INSR: variants seen among roughly 807,000 people sequenced by gnomAD.
INSR encodes the protein insulin receptor.
Under a neutral mutation model 142.6 loss-of-function variants are expected in INSR, and 67 were observed. The observed-to-expected ratio is 0.47, with a 90% CI of 0.39 to 0.58. INSR has a LOEUF of 0.58. Among genes scored for constraint, INSR ranks in the 20% least tolerant of loss-of-function variants. INSR has a pLI of 0.00. For synonymous variants in INSR, 756 were observed against 743.1 expected, an observed-to-expected ratio of 1.02 and a Z score of -0.28; for missense variants, 1,248 against 1,833.2, an observed-to-expected ratio of 0.68 and a Z score of 5.83.
rs1198513994 is a variant in INSR at position 7,119,301 on chromosome 19, A to G, written c.3794+148T>C. On this transcript the variant is annotated intron_variant, in intron 21 of 21. Transcript: ENST00000302850. The surrounding 1 kb of genome is among the most constrained non-coding windows in gnomAD (Gnocchi z 5.2). ...AAATGCAAGCATGCATGTAAAGACAAGCTATGCAAACACAAACACACCTGT... is the reference window on the plus strand; with the variant it reads ...AAATGCAAGCATGCATGTAAAGACAGGCTATGCAAACACAAACACACCTGT... The G allele has an allele frequency of 5.5e-6, 5 of 907,792 alleles. No individual in the cohort carries two copies. In the East Asian group the frequency reaches 9.7e-5, roughly 18 times the overall value. 56.2% of individuals were successfully genotyped at this position (907,792 alleles called of 1,614,324 possible).
intron 8 of INSR, among the ~76,000 whole-genome samples, chr19:7,164,909 A>T (rs1286341360): frequency 6.6e-6 from 1 of 150,934 alleles, no homozygotes; most frequent in Non-Finnish European, 1.5e-5. Context: ...AGGTGGGCAG[A>T]TTGCAGGTCA....
chr19:7,240,013 C>A (rs1384898861), intron 2 of INSR, among the ~76,000 whole-genome samples: 1 of 152,168 alleles, frequency 6.6e-6, no homozygotes, highest in Middle Eastern at 3.2e-3. Flanking sequence ...CAGCTCACTG[C>A]AAGCTCTCGC....
chr19:7,132,083 T>C, intron 14 of INSR, 75 bp downstream of exon 14: 2 of 1,588,966 alleles, frequency 1.3e-6, no homozygotes, highest in Non-Finnish European at 1.7e-6. Context: ...CCTCTCCAAG[T>C]CATCCCCTGC....
At chr19:7,270,272 A>G (rs1276621596) in intron 1 of INSR, among the ~76,000 whole-genome samples, 5 of 151,638 alleles carry the variant, frequency 3.3e-5, no homozygotes, top group African/African-American at 1.2e-4. Flanking sequence ...AGATTTGGCC[A>G]TAGCCCTGGG....
intron 2 of INSR, among the ~76,000 whole-genome samples, chr19:7,259,108 C>CTTCCTTCTTTCT (rs1489080195): frequency 7.3e-6 from 1 of 137,502 alleles, no homozygotes; most frequent in Non-Finnish European, 1.6e-5. Context: ...TCCTTCCTTC[C>CTTCCTTCTTTCT]TTCCTTTCTT....
chr19:7,132,230 G>C lies in INSR; in HGVS notation c.2770C>G (p.Arg924Gly), dbSNP rs387906538. The C allele has an allele frequency of 6.2e-7, 1 of 1,614,098 alleles. No individual in the cohort carries two copies. Among genetic ancestry groups the C allele is most frequent in the Non-Finnish European group, 8.5e-7 (1 of 1,180,050 alleles). Residue 924 changes from arginine (R) to glycine (G), a missense_variant, in exon 14 of 22, where the codon CGA becomes GGA. By Grantham distance (125) the Arg-to-Gly change is moderately radical. This residue lies in a region of INSR where 1,069 missense variants were observed against 1,654.0 expected (regional missense o/e 0.65). Transcript: ENST00000302850. ...RGLSPGNYSV[R>G]IRATSLAGNG... ...CCCGCAAGGGAGGTGGCCCGGATTC[G>C]CACGCTGTAGTTCCCCGGTGACAGC...
chr19:7,136,356 T>C (rs1972926420), intron 13 of INSR, among the ~76,000 whole-genome samples: 1 of 152,150 alleles, frequency 6.6e-6, no homozygotes, highest in South Asian at 2.1e-4. Flanking sequence ...CCTTGATTTT[T>C]TTTCTGCTTC....
At chr19:7,195,441 G>C (rs761219400) in intron 2 of INSR, among the ~76,000 whole-genome samples, 1 of 151,996 alleles carries the variant, frequency 6.6e-6, no homozygotes, top group Admixed American at 6.6e-5. Flanking sequence ...TCAGGAGTTC[G>C]AGACCAGCCT....
rs562562020 is a variant in INSR at position 7,174,435 on chromosome 19, T to C, written c.1123+148A>G. The C allele has an allele frequency of 1.4e-5, 12 of 848,002 alleles. No homozygotes were observed. The East Asian group carries it at 3.0e-4, about 21-fold the overall frequency. The allele number at this position is 848,002 out of a possible 1,614,324, so 52.5% of individuals were successfully genotyped here. A position where few individuals can be genotyped will look rare whatever the true frequency, so the allele number is the denominator to read the frequency against. On this transcript the variant is annotated intron_variant, in intron 4 of 21. Coordinates refer to ENST00000302850, the MANE Select transcript of INSR (RefSeq NM_000208.4). ...GTTTTGAGGCAGACTCCCAGCATGG[T>C]TCTATCCATGGGGGAGCCACTGAAC... is the stretch of plus-strand genomic sequence containing the variant.
intron 2 of INSR, among the ~76,000 whole-genome samples, chr19:7,231,295 G>GTTTTTTTTTTTTTTTTTTTTTTTTTT (rs59830751): frequency 7.4e-6 from 1 of 135,002 alleles, no homozygotes. Context: ...GGTGTTTTTT[G>GTTTTTTTTTTTTTTTTTTTTTTTTTT]TTTTTTTTTT....
chr19:7,164,114 AAAG>A (rs1436045631), intron 8 of INSR, among the ~76,000 whole-genome samples: 3 of 149,872 alleles, frequency 2.0e-5, no homozygotes, highest in African/African-American at 4.9e-5. Context: ...AAAAAAAAAA[AAAG>A]CTTGAATTTG....
At chr19:7,266,899 GAACTA>G (rs752493135) in intron 2 of INSR, among the ~76,000 whole-genome samples, 5 of 152,086 alleles carry the variant, frequency 3.3e-5, no homozygotes, top group Middle Eastern at 3.4e-3. Flanking sequence ...AATCAGATAA[GAACTA>G]AACTATTTTT....
At chr19:7,249,946 C>G (rs140921161) in intron 2 of INSR, among the ~76,000 whole-genome samples, 2,978 of 151,760 alleles carry the variant, frequency 0.02, 89 homozygotes, top group African/African-American at 0.066. Context: ...CAGCTGAGAT[C>G]GCACCACTGC....
In INSR at chr19:7,142,978, C is replaced by G. The variant is rs376600434; in HGVS notation, c.2380G>C (p.Glu794Gln). 4 of 1,614,184 alleles carry G rather than the reference C, an allele frequency of 2.5e-6. No homozygotes were observed. In the South Asian group the frequency reaches 4.4e-5, roughly 18 times the overall value. ...SSTSVPTSPE[E>Q]HRPFEKVVNK... ...ACCACCTTCTCAAAAGGCCTGTGCTCCTCCGGACTCGTGGGCACGCTGGTC... is the reference window on the plus strand; with the variant it reads ...ACCACCTTCTCAAAAGGCCTGTGCTGCTCCGGACTCGTGGGCACGCTGGTC... The change falls in exon 12 of 22, where the codon GAG becomes CAG. Residue 794 changes from glutamate to glutamine, a missense_variant. Glu to Gln is a conservative substitution (Grantham distance 29). Around this residue, in one of 3 missense-constraint regions of INSR, gnomAD observed 1,069 missense variants for 1,654.0 expected, o/e 0.65. Coordinates refer to ENST00000302850, the MANE Select transcript of INSR (RefSeq NM_000208.4).
chr19:7,157,424 A>AT (rs56136465), intron 9 of INSR, among the ~76,000 whole-genome samples: 66,792 of 114,882 alleles, frequency 0.58, 22,697 homozygotes, highest in South Asian at 0.69. Flanking sequence ...CGATTTTTGT[A>AT]TTTTTTTTTT....
At chr19:7,265,218 C>T (rs1383639678) in intron 2 of INSR, among the ~76,000 whole-genome samples, 1 of 152,132 alleles carries the variant, frequency 6.6e-6, no homozygotes, top group Non-Finnish European at 1.5e-5. Flanking sequence ...CTACCATGAT[C>T]AGAACAGTCA....
intron 1 of INSR, among the ~76,000 whole-genome samples, chr19:7,279,538 G>A (rs969525255): frequency 6.6e-6 from 1 of 150,750 alleles, no homozygotes; most frequent in Non-Finnish European, 1.5e-5. Flanking sequence ...GGCTGAGTTG[G>A]CAGCATATTG....
At position 7,150,122 on chromosome 19, in the gene INSR, G is replaced by A. The variant is rs1408833538; in HGVS notation, c.2267+375C>T. Among the ~76,000 whole-genome samples, 3 of 152,036 alleles carry A rather than the reference G, an allele frequency of 2.0e-5. No homozygotes were observed. Among genetic ancestry groups the A allele is most frequent in the African/African-American group, 4.8e-5 (2 of 41,400 alleles). On this transcript the variant is annotated intron_variant, in intron 11 of 21. Coordinates refer to ENST00000302850, the MANE Select transcript of INSR (RefSeq NM_000208.4). This position sits in a 1 kb window ranked among gnomAD's most constrained non-coding sequence, Gnocchi z 4.2. ...ATGGTGTAGGAGCTGCTGGGTCGGG[G>A]CACCCAGCCGCGGGGAGCTCAGACT...
In INSR at chr19:7,143,053, T is replaced by A; in HGVS notation, c.2305A>T (p.Asn769Tyr). 6.2e-7 allele frequency: 1 copy of A among 1,614,120 alleles called. No individual in the cohort carries two copies. The highest frequency in any genetic ancestry group is 1.3e-5 in the African/African-American group (1 of 75,004). Reference sequence around the variant, plus strand: ...ACCGTGGGCACGGCCACCGTCACATTCCCAACATCGCCAAGGGACCTGCGT... The same window carrying A: ...ACCGTGGGCACGGCCACCGTCACATACCCAACATCGCCAAGGGACCTGCGT... ...RKRRSLGDVG[N>Y]VTVAVPTVAA... The change falls in exon 12 of 22, where the codon AAT becomes TAT. Residue 769 changes from asparagine (N) to tyrosine (Y), a missense_variant. Transcript: ENST00000302850.
Sources: allele counts gnomAD v4.1 joint callset (sites outside exome capture counted in the v4.1 genomes callset), GRCh38; gene constraint gnomAD v4.1.1; regional missense constraint gnomAD v4.1.1; non-coding constraint Gnocchi (gnomAD v3.1); transcripts MANE v1.5; gene names NCBI Gene and HGNC (gene_info 2026-07-23, HGNC 2026-07-21).